GNB4: variants seen among roughly 807,000 people sequenced by gnomAD.
GNB4 encodes the protein guanine nucleotide-binding protein subunit beta-4.
GNB4 carries 28 observed loss-of-function variants against 45.2 expected under a neutral mutation model. That is an observed-to-expected ratio of 0.62 (90% CI 0.46 to 0.85). The LOEUF (loss-of-function observed/expected upper bound fraction) is 0.85. Ranked by LOEUF, GNB4 falls within the 40% of genes least tolerant of loss-of-function variation. The pLI, the probability that GNB4 is intolerant of heterozygous loss-of-function variation, is 0.00. For synonymous variants in GNB4, 132 were observed against 143.7 expected (o/e 0.92, Z 0.58); for missense variants, 321 against 425.4 (o/e 0.75, Z 2.16).
chr3:179,436,249 T>C (rs532056505), intron 1 of GNB4, among the ~76,000 whole-genome samples: 1 of 151,906 alleles, frequency 6.6e-6, no homozygotes, highest in Non-Finnish European at 1.5e-5. Flanking sequence ...AAATACAAAA[T>C]TAGCCAGGCG....
chr3:179,409,512 CA>C lies in GNB4; in HGVS notation c.699+3899del, dbSNP rs1560211655. Among the ~76,000 whole-genome samples, 310 of 129,646 alleles carry C rather than the reference CA, an allele frequency of 2.4e-3. 1 individual carries two copies. Among genetic ancestry groups the C allele is most frequent in the African/African-American group, 8.2e-3 (283 of 34,396 alleles). 85.1% of individuals were successfully genotyped at this position (129,646 alleles called of 152,430 possible). ...GGGCAACAAGGGAGAAACTCCATCT[CA>C]AAAACAAAAAAAAAAAGGCCAGGGG... On this transcript the variant is annotated intron_variant, in intron 8 of 9. Transcript: ENST00000232564.
the GNB4 span, among the ~76,000 whole-genome samples, chr3:179,517,713 C>A: frequency 6.6e-6 from 1 of 152,094 alleles, no homozygotes; most frequent in Non-Finnish European, 1.5e-5. Flanking sequence ...TGCCACACTT[C>A]AATCTCTCCT....
chr3:179,470,407 G>A, the GNB4 span, among the ~76,000 whole-genome samples: 1 of 151,450 alleles, frequency 6.6e-6, no homozygotes, highest in African/African-American at 2.4e-5. Context: ...CCAACCCTGT[G>A]TAGGCCTAGG....
the GNB4 span, among the ~76,000 whole-genome samples, chr3:179,520,758 T>C: frequency 3.3e-5 from 5 of 152,296 alleles, no homozygotes; most frequent in Admixed American, 2.0e-4. Flanking sequence ...CCCATGATTG[T>C]ACCTCTCTGA....
chr3:179,478,770 T>C, the GNB4 span, among the ~76,000 whole-genome samples: 1 of 152,170 alleles, frequency 6.6e-6, no homozygotes, highest in Non-Finnish European at 1.5e-5. Context: ...CCCAATGTTG[T>C]AGGTGGGGCC....
the GNB4 span, among the ~76,000 whole-genome samples, chr3:179,472,262 G>A: frequency 1.3e-5 from 2 of 151,268 alleles, no homozygotes; most frequent in African/African-American, 4.9e-5. Context: ...TTCAAATTAT[G>A]GATAAATTGG....
At chr3:179,515,481 T>C in the GNB4 span, among the ~76,000 whole-genome samples, 1 of 152,168 alleles carries the variant, frequency 6.6e-6, no homozygotes, top group Non-Finnish European at 1.5e-5. Context: ...AAGGGGGTTA[T>C]TCTCTGGTGG....
In GNB4 at chr3:179,413,627, C is replaced by G; in HGVS notation, c.498-14G>C. Reference sequence around the variant, plus strand: ...TCCCATAAAGCACTGTAATTAAAAACAAAATTTCATGACAATTACTTCTTC... The same window carrying G: ...TCCCATAAAGCACTGTAATTAAAAAGAAAATTTCATGACAATTACTTCTTC... On this transcript the variant is annotated splice_polypyrimidine_tract_variant and intron_variant, in intron 7 of 9. Transcript: ENST00000232564. 6.2e-7 allele frequency: 1 copy of G among 1,613,796 alleles called. No homozygotes were observed. Among genetic ancestry groups the G allele is most frequent in the Non-Finnish European group, 8.5e-7 (1 of 1,179,706 alleles).
chr3:179,511,156 C>T, the GNB4 span, among the ~76,000 whole-genome samples: 2 of 152,184 alleles, frequency 1.3e-5, no homozygotes, highest in Non-Finnish European at 2.9e-5. Flanking sequence ...CTCAAAAGAG[C>T]CGTGGTTGAT....
the GNB4 span, among the ~76,000 whole-genome samples, chr3:179,458,676 A>G: frequency 6.6e-6 from 1 of 152,190 alleles, no homozygotes; most frequent in African/African-American, 2.4e-5. Context: ...TAAATTACTT[A>G]TAATACCTGT....
the GNB4 span, among the ~76,000 whole-genome samples, chr3:179,459,823 T>A: frequency 1.3e-5 from 2 of 152,186 alleles, no homozygotes; most frequent in Non-Finnish European, 2.9e-5. Flanking sequence ...AGTAAATGAA[T>A]GCCTCAGAAG....
At chr3:179,512,720 T>C in the GNB4 span, among the ~76,000 whole-genome samples, 1 of 152,224 alleles carries the variant, frequency 6.6e-6, no homozygotes, top group Non-Finnish European at 1.5e-5. Context: ...TAGTTTTATG[T>C]TCCACACATA....
the GNB4 span, among the ~76,000 whole-genome samples, chr3:179,496,812 A>C: frequency 6.6e-6 from 1 of 152,120 alleles, no homozygotes; most frequent in Non-Finnish European, 1.5e-5. Flanking sequence ...ATATATATGC[A>C]CTCAACATCA....
chr3:179,504,411 G>T, the GNB4 span, among the ~76,000 whole-genome samples: 2 of 152,108 alleles, frequency 1.3e-5, no homozygotes, highest in Non-Finnish European at 2.9e-5. Context: ...CCTGCTAAAA[G>T]GTTGTGAAAC....
chr3:179,449,128 G>A (rs1484468511), intron 1 of GNB4, among the ~76,000 whole-genome samples: 5 of 152,116 alleles, frequency 3.3e-5, no homozygotes, highest in South Asian at 2.1e-4. Flanking sequence ...ATATCAAAGG[G>A]TTCTCATATC....
chr3:179,447,792 T>C (rs1715774569), intron 1 of GNB4, among the ~76,000 whole-genome samples: 1 of 152,188 alleles, frequency 6.6e-6, no homozygotes, highest in Non-Finnish European at 1.5e-5. Context: ...CCATAATACT[T>C]GCTGTTGAAG....
At chr3:179,512,947 C>T in the GNB4 span, among the ~76,000 whole-genome samples, 1 of 151,918 alleles carries the variant, frequency 6.6e-6, no homozygotes. Context: ...TTTATCTTCT[C>T]CTAATTGTCA....
the GNB4 span, among the ~76,000 whole-genome samples, chr3:179,489,407 G>A: frequency 3.9e-5 from 6 of 152,002 alleles, no homozygotes; most frequent in Admixed American, 6.6e-5. Flanking sequence ...AGACTGAGGA[G>A]GAGGATTGTT....
chr3:179,465,378 C>A, the GNB4 span: 7 of 701,124 alleles, frequency 1.0e-5, no homozygotes, highest in African/African-American at 1.8e-5. Flanking sequence ...CCGAGGCGGG[C>A]GAATCACGAG....
Sources: gnomAD v4.1 joint callset for allele counts (sites outside exome capture counted in the v4.1 genomes callset) on GRCh38, gnomAD v4.1.1 for gene constraint, MANE v1.5 for transcripts, NCBI Gene and HGNC (gene_info 2026-07-23, HGNC 2026-07-21) for gene names.